Variants in SLCO4A1 observed in about 807,000 individuals in gnomAD.
SLCO4A1 encodes colon organic anion transporter.
Under a neutral mutation model 64.6 loss-of-function variants are expected in SLCO4A1, and 51 were observed. The observed-to-expected ratio is 0.79, with a 90% confidence interval of 0.63 to 1.00. SLCO4A1 has a LOEUF of 1.00. SLCO4A1 is among the 50% of genes least tolerant of loss of function. SLCO4A1 has a pLI of 0.00. For missense variants in SLCO4A1, 919 were observed against 980.5 expected (o/e 0.94, Z 0.84); for synonymous variants, 471 against 444.9 (o/e 1.06, Z -0.74).
At position 62,668,029 on chromosome 20, in the gene SLCO4A1, C is replaced by T. The variant is rs1325427600; in HGVS notation, c.1656C>T (p.Ser552=). The T allele has an allele frequency of 7.4e-6, 12 of 1,613,944 alleles. No homozygotes were observed. The highest frequency in any genetic ancestry group is 1.3e-5 in the African/African-American group (1 of 74,922). Residue 552 remains serine, a synonymous_variant, in exon 9 of 12, where the codon AGC becomes AGT. Transcript: ENST00000217159. Reference sequence around the variant, plus strand: ...CTTCCCAGGTGTACCGAGACTGTAGCTGTATCCCTCAGAATCTTTCCTCTG... The same window carrying T: ...CTTCCCAGGTGTACCGAGACTGTAGTTGTATCCCTCAGAATCTTTCCTCTG... ...VDGQKVYRDC[S]CIPQNLSSGF...
In SLCO4A1 at chr20:62,642,518, G is replaced by A. The variant is rs1003623453; in HGVS notation, c.-132G>A. On this transcript the variant is annotated 5_prime_UTR_variant, in exon 1 of 12. Transcript: ENST00000217159. ...CGGGGAGGCCAGAGCGTGGAGCGCT[G>A]CGCGGCGCGGCGGCCGGGCCCTCGA... 20 of 210,538 alleles carry A rather than the reference G, an allele frequency of 9.5e-5. No homozygotes were observed. The highest frequency in any genetic ancestry group is 1.6e-4 in the Non-Finnish European group (17 of 103,072). The allele number at this position is 210,538 out of a possible 1,614,324, so 13.0% of individuals were successfully genotyped here.
In SLCO4A1 at chr20:62,668,867, C is replaced by A. The variant is rs536259576; in HGVS notation, c.1877-63C>A. 20 of 1,530,910 alleles carry A rather than the reference C, an allele frequency of 1.3e-5. No individual in the cohort carries two copies. The Admixed American group carries it at 3.6e-4, about 28-fold the overall frequency. 94.8% of individuals were successfully genotyped at this position (1,530,910 alleles called of 1,614,324 possible). ...CCCATCATTCCAGGCCTCTTGGCTG[C>A]CTGCCCCCTGCCTAGCCCCTACCCA... On this transcript the variant is annotated intron_variant, in intron 10 of 11. Coordinates refer to ENST00000217159, the MANE Select transcript of SLCO4A1 (RefSeq NM_016354.4).
At chr20:62,664,640 C>T (rs1021174372) in intron 5 of SLCO4A1, among the ~76,000 whole-genome samples, 2 of 152,188 alleles carry the variant, frequency 1.3e-5, no homozygotes, top group Non-Finnish European at 2.9e-5. Flanking sequence ...CAGGCATAGG[C>T]TCAGCCTGGC....
intron 1 of SLCO4A1, chr20:62,648,885 T>C (rs1425802374): frequency 6.6e-6 from 1 of 152,236 alleles, no homozygotes; most frequent in Non-Finnish European, 1.5e-5. Context: ...GGGCTCCTCG[T>C]GGGTGCGACA....
intron 2 of SLCO4A1, among the ~76,000 whole-genome samples, chr20:62,684,539 A>G (rs1408880881): frequency 6.6e-6 from 1 of 152,110 alleles, no homozygotes; most frequent in Non-Finnish European, 1.5e-5. Flanking sequence ...CACCACAATC[A>G]CAGGGGAGAC....
intron 2 of SLCO4A1, among the ~76,000 whole-genome samples, chr20:62,680,201 G>A (rs951268767): frequency 6.6e-6 from 1 of 152,184 alleles, no homozygotes; most frequent in East Asian, 1.9e-4. Flanking sequence ...TAGAGATGAC[G>A]GTTGAGTCCC....
chr20:62,656,637 G>C lies in SLCO4A1; in HGVS notation c.183G>C (p.Gln61His). Reference sequence around the variant, plus strand: ...ACACCAGCAAGCAGCCCCTCTGCCAGCTCTGGGCCGAGAAGCATGGCGCCC... The same window carrying C: ...ACACCAGCAAGCAGCCCCTCTGCCACCTCTGGGCCGAGAAGCATGGCGCCC... ...PLDTSKQPLCQLWAEKHGARG... is the reference protein window; with the variant it reads ...PLDTSKQPLCHLWAEKHGARG... Residue 61 changes from glutamine to histidine, a missense_variant, in exon 2 of 12, where the codon CAG becomes CAC. Gln to His is a conservative substitution (Grantham distance 24). Coordinates refer to ENST00000217159, the MANE Select transcript of SLCO4A1 (RefSeq NM_016354.4). The C allele has an allele frequency of 6.2e-7, 1 of 1,601,820 alleles. No homozygotes were observed. The highest frequency in any genetic ancestry group is 1.1e-5 in the South Asian group (1 of 89,576).
chr20:62,648,345 A>G (rs1263621927), intron 1 of SLCO4A1, among the ~76,000 whole-genome samples: 1 of 152,226 alleles, frequency 6.6e-6, no homozygotes, highest in Non-Finnish European at 1.5e-5. Context: ...CAGAGGCATC[A>G]GGGCAGTGGG....
chr20:62,656,320 G>C (rs35552404), intron 1 of SLCO4A1, 39 bp from the exon 2 acceptor site: 136,480 of 727,960 alleles, frequency 0.19, 13,502 homozygotes, highest in Non-Finnish European at 0.21. Context: ...TGTACCCGTG[G>C]AGAGACGTGA....
chr20:62,658,662 C>G lies in SLCO4A1; in HGVS notation c.797-15C>G, dbSNP rs750170662. 5.0e-6 allele frequency: 8 copies of G among 1,604,236 alleles called. No individual in the cohort carries two copies. Among genetic ancestry groups the G allele is most frequent in the Non-Finnish European group, 6.8e-6 (8 of 1,175,692 alleles). On this transcript the variant is annotated splice_polypyrimidine_tract_variant and intron_variant, in intron 2 of 11. Coordinates refer to ENST00000217159, the MANE Select transcript of SLCO4A1 (RefSeq NM_016354.4). ...GTGGTGCACAGCGGCCCTGACGCCT[C>G]TGCCTCTCTCGCAGCCATCTTCTAC...
intron 1 of SLCO4A1, chr20:62,650,033 G>T (rs1982172647): frequency 1.3e-5 from 2 of 152,286 alleles, no homozygotes; most frequent in African/African-American, 4.8e-5. Context: ...TGCATCAGAA[G>T]AAGCTGCTGC....
Position 62,671,771 on chromosome 20 carries a change from G to A in SLCO4A1, c.2047G>A (p.Ala683Thr). 6.2e-7 allele frequency: 1 copy of A among 1,613,620 alleles called. No homozygotes were observed. Among genetic ancestry groups the A allele is most frequent in the Non-Finnish European group, 8.5e-7 (1 of 1,180,000 alleles). Residue 683 changes from alanine (A) to threonine (T), a missense_variant, in exon 12 of 12, where the codon GCC becomes ACC. Ala to Thr is a moderately conservative substitution (Grantham distance 58). Coordinates refer to ENST00000217159, the MANE Select transcript of SLCO4A1 (RefSeq NM_016354.4). ...CCAGGTGCTGGGCGTCCTCTTCTTT[G>A]CCATAGCCTGCTTCTTATACAAGCC... The part of the protein sequence containing the change: ...LYKVLGVLFF[A>T]IACFLYKPLS...
chr20:62,662,186 G>C (rs1248986984), intron 5 of SLCO4A1, among the ~76,000 whole-genome samples: 1 of 152,190 alleles, frequency 6.6e-6, no homozygotes, highest in East Asian at 1.9e-4. Flanking sequence ...CCACGGCAGA[G>C]AGGAGCAGGG....
chr20:62,658,748 T>C lies in SLCO4A1; in HGVS notation c.868T>C (p.Tyr290His), dbSNP rs560052011. Residue 290 changes from tyrosine (Y) to histidine (H), a missense_variant, in exon 3 of 12, where the codon TAC (tyrosine) becomes CAC (histidine). By Grantham distance (83) the Tyr-to-His change is moderately conservative. Coordinates refer to ENST00000217159, the MANE Select transcript of SLCO4A1 (RefSeq NM_016354.4). ...YLIGGALLNIYTEMGRRTELT... is the reference protein window; with the variant it reads ...YLIGGALLNIHTEMGRRTELT... ...GATTGGAGGTGCCCTGCTGAATATC[T>C]ACACGGAAATGGGCCGACGGTGAGT... The C allele has an allele frequency of 4.3e-6, 7 of 1,611,254 alleles. No homozygotes were observed. Among genetic ancestry groups the C allele is most frequent in the South Asian group, 3.3e-5 (3 of 90,560 alleles).
At chr20:62,673,381 G>A (rs1433995586), downstream of SLCO4A1, among the ~76,000 whole-genome samples, 1 of 143,422 alleles carries the variant, frequency 7.0e-6, no homozygotes, top group African/African-American at 2.5e-5. Flanking sequence ...CAGGAGTCCG[G>A]TTCATCAGGA....
chr20:62,643,857 A>G (rs966865323), intron 1 of SLCO4A1, among the ~76,000 whole-genome samples: 2 of 152,222 alleles, frequency 1.3e-5, no homozygotes, highest in Non-Finnish European at 2.9e-5. Context: ...CGTCTCATTC[A>G]GTCCCTAGCA....
chr20:62,672,790 T>C (rs190774597), downstream of SLCO4A1, among the ~76,000 whole-genome samples: 6 of 152,226 alleles, frequency 3.9e-5, no homozygotes, highest in African/African-American at 1.4e-4. Flanking sequence ...ACAGGACTGG[T>C]GTCCTTAAGA....
In SLCO4A1 at chr20:62,644,320, G is replaced by C. The variant is rs575837102; in HGVS notation, c.-97+1767G>C. ...CCTGCCTTCCTGCTGGGCAAGGTCA[G>C]CAGGTGGTGCCTGGAAAATTCTTCA... On this transcript the variant is annotated intron_variant, in intron 1 of 11. Coordinates refer to ENST00000217159, the MANE Select transcript of SLCO4A1 (RefSeq NM_016354.4). The surrounding 1 kb of genome is among the most constrained non-coding windows in gnomAD (Gnocchi z 5.4). 3.9e-5 allele frequency among the ~76,000 whole-genome samples: 6 copies of C among 152,376 alleles called. No individual in the cohort carries two copies. The highest frequency in any genetic ancestry group is 1.2e-4 in the African/African-American group (5 of 41,592).
intron 1 of SLCO4A1, among the ~76,000 whole-genome samples, chr20:62,654,713 G>C (rs1278307600): frequency 6.6e-6 from 1 of 152,212 alleles, no homozygotes; most frequent in Non-Finnish European, 1.5e-5. Flanking sequence ...GCTTCCAGAA[G>C]CGCCGGGGTC....
Sources: gnomAD v4.1 joint callset for allele counts (sites outside exome capture counted in the v4.1 genomes callset) on GRCh38, gnomAD v4.1.1 for gene constraint, Gnocchi (gnomAD v3.1) non-coding constraint, MANE v1.5 for transcripts, NCBI Gene and HGNC (gene_info 2026-07-23, HGNC 2026-07-21) for gene names.